Variants in LSAMP observed in about 807,000 individuals in gnomAD.
LSAMP encodes limbic system-associated membrane protein.
Under a neutral mutation model 38.6 loss-of-function variants are expected in LSAMP, and 7 were observed. That is an observed-to-expected ratio of 0.18 (90% CI 0.10 to 0.34). The LOEUF (loss-of-function observed/expected upper bound fraction) is 0.34. Ranked by LOEUF, LSAMP falls within the 10% of genes least tolerant of loss-of-function variation. The pLI is 1.00. For synonymous variants in LSAMP, 154 were observed against 166.8 expected (o/e 0.92, Z 0.59); for missense variants, 313 against 420.0 (o/e 0.75, Z 2.23).
intron 3 of LSAMP, among the ~76,000 whole-genome samples, chr3:115,953,867 C>T (rs1313259744): frequency 6.6e-6 from 1 of 152,130 alleles, no homozygotes; most frequent in African/African-American, 2.4e-5. Context: ...GATCCCTGTG[C>T]CTGGAATGCT....
intron 1 of LSAMP, among the ~76,000 whole-genome samples, chr3:116,244,762 G>A (rs188569665): frequency 6.6e-6 from 1 of 152,116 alleles, no homozygotes; most frequent in Non-Finnish European, 1.5e-5. Flanking sequence ...ACACATAGTA[G>A]GTGTTTAATA....
chr3:116,208,559 T>C (rs1332183059), intron 1 of LSAMP, among the ~76,000 whole-genome samples: 1 of 152,190 alleles, frequency 6.6e-6, no homozygotes, highest in African/African-American at 2.4e-5. Flanking sequence ...TTGATGATGG[T>C]GATGTACAGA....
intron 2 of LSAMP, among the ~76,000 whole-genome samples, chr3:116,052,972 C>T (rs1304377602): frequency 3.3e-5 from 5 of 152,160 alleles, no homozygotes; most frequent in Non-Finnish European, 7.3e-5. Context: ...TAAAATGTCT[C>T]TATTTATAAG....
At chr3:116,044,764 G>A (rs1269865190) in intron 2 of LSAMP, among the ~76,000 whole-genome samples, 1 of 152,192 alleles carries the variant, frequency 6.6e-6, no homozygotes, top group Non-Finnish European at 1.5e-5. Flanking sequence ...CTCCAAGGCT[G>A]TACAGGAGGG....
At chr3:115,973,363 T>G (rs530280779) in intron 3 of LSAMP, among the ~76,000 whole-genome samples, 1 of 152,318 alleles carries the variant, frequency 6.6e-6, no homozygotes, top group East Asian at 1.9e-4. Flanking sequence ...AGATTTTGAA[T>G]TTTTTTCAGA....
At chr3:116,042,146 C>T (rs1195058152) in intron 2 of LSAMP, among the ~76,000 whole-genome samples, 1 of 152,138 alleles carries the variant, frequency 6.6e-6, no homozygotes, top group Non-Finnish European at 1.5e-5. Context: ...ATGTGTAACT[C>T]TATCAAGTTT....
At chr3:116,302,717 T>A (rs2047427047) in intron 1 of LSAMP, among the ~76,000 whole-genome samples, 1 of 152,200 alleles carries the variant, frequency 6.6e-6, no homozygotes, top group Non-Finnish European at 1.5e-5. Context: ...CATTCTCCTA[T>A]AATGGCATTT....
chr3:115,997,741 TATATATATATATAC>T (rs1318046392), intron 3 of LSAMP, among the ~76,000 whole-genome samples: 38 of 83,844 alleles, frequency 4.5e-4, no homozygotes, highest in African/African-American at 1.8e-3. Context: ...TATATATATA[TATATATATATATAC>T]ACACACATAC....
chr3:116,444,783 A>T, intron 1 of LSAMP, 94 bp downstream of exon 1: 5 of 1,480,926 alleles, frequency 3.4e-6, no homozygotes, highest in Non-Finnish European at 4.6e-6. Context: ...GTTCAAGGAG[A>T]TCAGACACAC....
chr3:116,215,520 A>C (rs1415430196), intron 1 of LSAMP, among the ~76,000 whole-genome samples: 1 of 152,198 alleles, frequency 6.6e-6, no homozygotes, highest in Non-Finnish European at 1.5e-5. Flanking sequence ...TTGAAAATGC[A>C]AAACTATCTT....
At chr3:116,094,446 G>A (rs193040281) in intron 1 of LSAMP, among the ~76,000 whole-genome samples, 8 of 152,274 alleles carry the variant, frequency 5.3e-5, no homozygotes, top group Admixed American at 5.2e-4. Flanking sequence ...GTTTGGTAAT[G>A]GTTGACTTCT....
chr3:116,381,866 A>T (rs1404995166), intron 1 of LSAMP, among the ~76,000 whole-genome samples: 1 of 152,096 alleles, frequency 6.6e-6, no homozygotes, highest in Non-Finnish European at 1.5e-5. Context: ...GTGTCTTAGG[A>T]TCATACAATA....
intron 6 of LSAMP, among the ~76,000 whole-genome samples, chr3:115,817,321 T>G (rs946508899): frequency 2.0e-5 from 3 of 152,234 alleles, no homozygotes; most frequent in African/African-American, 7.2e-5. Flanking sequence ...ATATACTTTT[T>G]GCCTATTTAT....
chr3:115,911,572 A>T lies in LSAMP; in HGVS notation c.515-58955T>A, dbSNP rs9843177. 2.7e-3 allele frequency among the ~76,000 whole-genome samples: 404 copies of T among 151,900 alleles called. 2 individuals are homozygous for T. The highest frequency in any genetic ancestry group is 9.3e-3 in the African/African-American group (383 of 41,396). ...TTGCCCAGGCTGGTCTCAAACTCCC[A>T]GGCTTAAGTAATCCATCCTCCTTGA... On this transcript the variant is annotated intron_variant, in intron 3 of 6. Transcript: ENST00000490035.
chr3:116,435,710 G>A (rs1055665008), intron 1 of LSAMP, among the ~76,000 whole-genome samples: 2 of 152,026 alleles, frequency 1.3e-5, no homozygotes, highest in African/African-American at 4.8e-5. Flanking sequence ...TCTATTGGGG[G>A]AAAAAAGTTC....
intron 6 of LSAMP, among the ~76,000 whole-genome samples, chr3:115,840,689 C>G (rs937773197): frequency 6.6e-6 from 1 of 152,096 alleles, no homozygotes; most frequent in Non-Finnish European, 1.5e-5. Context: ...GGCTTTAACA[C>G]TACATTTCAA....
intron 1 of LSAMP, among the ~76,000 whole-genome samples, chr3:116,382,773 T>A (rs1301140787): frequency 6.6e-6 from 1 of 152,154 alleles, no homozygotes; most frequent in Non-Finnish European, 1.5e-5. Flanking sequence ...GTTTGTTACA[T>A]GTTACAGCTT....
intron 3 of LSAMP, among the ~76,000 whole-genome samples, chr3:115,962,036 T>C (rs576989600): frequency 9.8e-5 from 15 of 152,334 alleles, no homozygotes; most frequent in Middle Eastern, 3.4e-3. Flanking sequence ...GCAAAGGCAC[T>C]GGCCTGCACA....
intron 1 of LSAMP, among the ~76,000 whole-genome samples, chr3:116,224,724 G>C (rs1056410062): frequency 2.6e-5 from 4 of 152,310 alleles, no homozygotes; most frequent in Admixed American, 6.5e-5. Context: ...CAATGGAATA[G>C]GCAATCTTAA....
Sources: allele counts gnomAD v4.1 joint callset (sites outside exome capture counted in the v4.1 genomes callset), GRCh38; gene constraint gnomAD v4.1.1; transcripts MANE v1.5; gene names NCBI Gene and HGNC (gene_info 2026-07-23, HGNC 2026-07-21).